Variants in ARAP2 observed in about 807,000 individuals in gnomAD.
ARAP2 encodes the protein ArfGAP with RhoGAP domain, ankyrin repeat and PH domain 2.
ARAP2 carries 148 observed loss-of-function variants against 194.5 expected under a neutral mutation model. That is an observed-to-expected ratio of 0.76 (90% CI 0.67 to 0.87). ARAP2 has a LOEUF of 0.87. ARAP2 is among the 40% of genes least tolerant of loss of function. The probability of loss-of-function intolerance (pLI) is 0.00; values close to 1 mark genes in which losing one functional copy is unlikely to be tolerated. For missense variants in ARAP2, 2,128 were observed against 1,989.7 expected (o/e 1.07, Z -1.32); for synonymous variants, 695 against 683.5 (o/e 1.02, Z -0.26).
intron 7 of ARAP2, among the ~76,000 whole-genome samples, chr4:36,189,834 T>A (rs1042678085): frequency 5.9e-5 from 9 of 152,186 alleles, no homozygotes; most frequent in Non-Finnish European, 8.8e-5. Flanking sequence ...GTAAGCACCA[T>A]AAACTGTAAA....
At chr4:36,030,203 CTT>C (rs1718676993) in intron 5 of ARAP2, among the ~76,000 whole-genome samples, 1 of 152,004 alleles carries the variant, frequency 6.6e-6, no homozygotes, top group Non-Finnish European at 1.5e-5. Context: ...TTGGCTCACA[CTT>C]TTCTTTCCTC....
At chr4:36,063,987 A>G (rs181891231), downstream of ARAP2, among the ~76,000 whole-genome samples, 6 of 152,360 alleles carry the variant, frequency 3.9e-5, no homozygotes, top group East Asian at 7.7e-4. Flanking sequence ...TATGCAATTC[A>G]GCAGCTAATA....
intron 5 of ARAP2, among the ~76,000 whole-genome samples, chr4:36,030,076 C>A (rs921350487): frequency 1.1e-4 from 16 of 151,950 alleles, no homozygotes; most frequent in African/African-American, 3.9e-4. Flanking sequence ...GATATTCAAC[C>A]TTTTGTAAAT....
At chr4:36,102,750 A>T (rs1268854289) in intron 27 of ARAP2, among the ~76,000 whole-genome samples, 2 of 151,952 alleles carry the variant, frequency 1.3e-5, no homozygotes, top group African/African-American at 4.8e-5. Flanking sequence ...CTTTCTGGGT[A>T]TAGACAATGT....
intron 3 of ARAP2, among the ~76,000 whole-genome samples, chr4:36,050,344 T>C (rs777473974): frequency 2.0e-5 from 3 of 152,180 alleles, no homozygotes; most frequent in Non-Finnish European, 4.4e-5. Flanking sequence ...TTTAGCCAAT[T>C]AGTATAAAAT....
In ARAP2 at chr4:36,053,663, G is replaced by A. The variant is rs370264820; in HGVS notation, n.322-1610C>T. Among the ~76,000 whole-genome samples the A allele has an allele frequency of 1.2e-4, 19 of 152,218 alleles. No individual in the cohort carries two copies. The South Asian group carries it at 2.9e-3, about 23-fold the overall frequency. On this transcript the variant is annotated intron_variant and non_coding_transcript_variant, in intron 2 of 12. Coordinates refer to the ARAP2 transcript ENST00000503225. ...AATAAAAATATTTCAAATTATCCTT[G>A]TAAAATATTTAAGCACCTTTAATGT...
chr4:36,145,299 C>T (rs1020534792), intron 19 of ARAP2, among the ~76,000 whole-genome samples: 5 of 151,880 alleles, frequency 3.3e-5, no homozygotes, highest in East Asian at 3.9e-4. Flanking sequence ...CAGTGGTTGA[C>T]GGGCTAAGGA....
At chr4:36,098,763 T>A (rs1716027861) in intron 27 of ARAP2, among the ~76,000 whole-genome samples, 1 of 152,090 alleles carries the variant, frequency 6.6e-6, no homozygotes, top group South Asian at 2.1e-4. Flanking sequence ...ACCTAACTCA[T>A]CCATGAAGAT....
Position 36,114,283 on chromosome 4 carries a change from G to A in ARAP2, c.4043C>T (p.Ser1348Phe), listed in dbSNP as rs185198158. Residue 1348 changes from serine (S) to phenylalanine (F), a missense_variant, in exon 26 of 33, where the codon TCT becomes TTT. By Grantham distance (155) the Ser-to-Phe change is radical (BLOSUM62 -2). Transcript: ENST00000303965. Reference protein sequence around the residue: ...EPDCSIIIRISPVMEAEELTN... With the variant: ...EPDCSIIIRIFPVMEAEELTN... ...TAATTCTTCTGCTTCCATCACAGGA[G>A]ATATCTGTAAGAGAAGTAATATTTT... 5 of 1,557,416 alleles carry A rather than the reference G, an allele frequency of 3.2e-6. No homozygotes were observed. The highest frequency in any genetic ancestry group is 4.4e-6 in the Non-Finnish European group (5 of 1,136,476).
chr4:36,121,313 A>G lies in ARAP2; in HGVS notation c.3760T>C (p.Ser1254Pro), dbSNP rs1722624555. Reference sequence around the variant, plus strand: ...TGGGCATTCATGTGATTGATTTCTGAGCATTTCTGAACCCTGTCAGAGAAA... The same window carrying G: ...TGGGCATTCATGTGATTGATTTCTGGGCATTTCTGAACCCTGTCAGAGAAA... ...IEHLYRVQKC[S>P]EINHMNAHNL... is the part of the protein sequence containing the mutation. Residue 1254 changes from serine to proline, a missense_variant, in exon 23 of 33, where the codon TCA (serine) becomes CCA (proline). Transcript: ENST00000303965. 1 of 1,597,820 alleles carries G rather than the reference A, an allele frequency of 6.3e-7. No homozygotes were observed. The highest frequency in any genetic ancestry group is 1.1e-5 in the South Asian group (1 of 88,602).
At chr4:36,198,189 T>C (rs1341803395) in intron 6 of ARAP2, among the ~76,000 whole-genome samples, 1 of 152,188 alleles carries the variant, frequency 6.6e-6, no homozygotes, top group Non-Finnish European at 1.5e-5. Context: ...GGTCATCTGA[T>C]GTCTGCAGCT....
At chr4:36,162,107 CAAA>C (rs11346353) in intron 11 of ARAP2, among the ~76,000 whole-genome samples, 12 of 135,492 alleles carry the variant, frequency 8.9e-5, no homozygotes, top group Non-Finnish European at 1.1e-4. Flanking sequence ...GACTCCGTCT[CAAA>C]AAAAAAAAAA....
At chr4:36,213,187 T>A in intron 4 of ARAP2, 56 bp downstream of exon 4, 1 of 1,257,884 alleles carries the variant, frequency 7.9e-7, no homozygotes, top group Non-Finnish European at 1.2e-6. Context: ...GAGGTACAAA[T>A]AGGCAGAAAA....
At chr4:36,169,532 CTT>C (rs200988075) in intron 9 of ARAP2, among the ~76,000 whole-genome samples, 268 of 136,256 alleles carry the variant, frequency 2.0e-3, no homozygotes, top group East Asian at 5.7e-3. Context: ...GCAAAGATGA[CTT>C]TTTTTTTTTT....
chr4:36,119,696 T>G lies in ARAP2; in HGVS notation c.3917A>C (p.Gln1306Pro), dbSNP rs1405544229. Residue 1306 changes from glutamine to proline, a missense_variant, in exon 24 of 33, where the codon CAA becomes CCA. Physicochemically the swap from Gln to Pro is moderately conservative, Grantham distance 76. Transcript: ENST00000303965. ...IFEVKEDQVKQMDIENSFITK... is the reference protein window; with the variant it reads ...IFEVKEDQVKPMDIENSFITK... ...AATAAAGCTATTTTCTATGTCCATT[T>G]GTTTGACTTGATCTTCTTTAACCTG... is the stretch of plus-strand genomic sequence containing the variant. 6.2e-7 allele frequency: 1 copy of G among 1,603,588 alleles called. No individual in the cohort carries two copies. The highest frequency in any genetic ancestry group is 1.3e-5 in the African/African-American group (1 of 74,572).
Position 36,238,145 on chromosome 4 carries a change from G to T in ARAP2, c.-160+6034C>A, listed in dbSNP as rs548343227. Among the ~76,000 whole-genome samples the T allele has an allele frequency of 1.6e-3, 246 of 152,296 alleles. 1 individual carries two copies. The South Asian group carries it at 0.019, about 12-fold the overall frequency. ...CATTAAACCCCTTACAGGAAGCCCA[G>T]TTCCCTCAATGTGGTCATCTCTTTA... On this transcript the variant is annotated intron_variant, in intron 1 of 32. Transcript: ENST00000303965.
chr4:36,121,402 A>G (rs1397423), intron 22 of ARAP2, 76 bp from the exon 23 acceptor site: 545,730 of 1,363,508 alleles, frequency 0.4, 113,939 homozygotes, highest in Non-Finnish European at 0.44. Flanking sequence ...CAGTTTATCA[A>G]TTTTTAAACA....
intron 19 of ARAP2, among the ~76,000 whole-genome samples, chr4:36,143,313 T>C (rs1578051816): frequency 1.3e-5 from 2 of 151,802 alleles, no homozygotes; most frequent in Admixed American, 1.3e-4. Context: ...AAATGTTTTC[T>C]AGTAAACATT....
At position 36,107,669 on chromosome 4, in the gene ARAP2, T is replaced by A. The variant is rs953401006; in HGVS notation, c.4181A>T (p.Asn1394Ile). The A allele has an allele frequency of 2.5e-6, 4 of 1,608,918 alleles. No individual in the cohort carries two copies. The highest frequency in any genetic ancestry group is 3.4e-6 in the Non-Finnish European group (4 of 1,177,022). Residue 1394 changes from asparagine to isoleucine, a missense_variant, in exon 27 of 33, where the codon AAT becomes ATT. Asn to Ile is a moderately radical substitution (Grantham distance 149, BLOSUM62 -3). Transcript: ENST00000303965. ...ELERPLHYKENVLEQVLRWSS... is the reference protein window; with the variant it reads ...ELERPLHYKEIVLEQVLRWSS... The stretch of plus-strand genomic sequence containing the variant: ...CCACCGAAGCACCTGCTCCAGTACA[T>A]TTTCCTTGTAGTGAAGAGGACGCTC...
Sources: gnomAD v4.1 joint callset for allele counts (sites outside exome capture counted in the v4.1 genomes callset) on GRCh38, gnomAD v4.1.1 for gene constraint, MANE v1.5 for transcripts, NCBI Gene and HGNC (gene_info 2026-07-23, HGNC 2026-07-21) for gene names.